Variants in ZRANB3 observed in about 807,000 individuals in gnomAD.
ZRANB3 encodes zinc finger RANBP2-type containing 3.
Under a neutral mutation model 133.8 loss-of-function variants are expected in ZRANB3, and 125 were observed. That is an observed-to-expected ratio of 0.93 (90% CI 0.81 to 1.08). ZRANB3 has a LOEUF of 1.08. Among genes scored for constraint, ZRANB3 ranks in the 50% least tolerant of loss-of-function variants. The pLI is 0.00. For synonymous variants in ZRANB3, 387 were observed against 432.7 expected, an observed-to-expected ratio of 0.89 and a Z score of 1.31; for missense variants, 1,229 against 1,275.5, an observed-to-expected ratio of 0.96 and a Z score of 0.56.
intron 8 of ZRANB3, 68 bp from the exon 9 acceptor site, chr2:135,275,823 AT>A: frequency 8.0e-7 from 1 of 1,246,622 alleles, no homozygotes; most frequent in South Asian, 2.3e-5. Flanking sequence ...GTCACTTTTA[AT>A]AAAGCAAGAA....
intron 12 of ZRANB3, among the ~76,000 whole-genome samples, chr2:135,251,022 G>A (rs972232218): frequency 7.2e-5 from 11 of 152,198 alleles, no homozygotes; most frequent in Non-Finnish European, 1.2e-4. Context: ...GAAAGCAGCC[G>A]TGAGGGAGGC....
chr2:135,413,057 G>A (rs763336630), intron 2 of ZRANB3, among the ~76,000 whole-genome samples: 5 of 152,102 alleles, frequency 3.3e-5, no homozygotes, highest in Non-Finnish European at 4.4e-5. Context: ...AACACTGAAT[G>A]TTATTTTAAC....
chr2:135,339,706 G>C (rs1295594451), intron 6 of ZRANB3, among the ~76,000 whole-genome samples: 2 of 152,114 alleles, frequency 1.3e-5, no homozygotes, highest in African/African-American at 4.8e-5. Context: ...ACTGTAATAG[G>C]TAAAACTTTG....
chr2:135,411,535 G>C (rs1688301928), intron 2 of ZRANB3, among the ~76,000 whole-genome samples: 1 of 152,078 alleles, frequency 6.6e-6, no homozygotes, highest in South Asian at 2.1e-4. Flanking sequence ...ATCAACAGTG[G>C]ACTGAATAAA....
rs974869997 is a variant in ZRANB3 at position 135,445,169 on chromosome 2, C to A, written c.162-54349G>T. On this transcript the variant is annotated intron_variant, in intron 2 of 20. Coordinates refer to ENST00000264159, the MANE Select transcript of ZRANB3 (RefSeq NM_032143.4). ...TTTTTAAAGGGAAAAATAGGCCGGG[C>A]ATGGTGGCTCATGCCTGTAATTCCA... Among the ~76,000 whole-genome samples, 6 of 152,276 alleles carry A rather than the reference C, an allele frequency of 3.9e-5. No individual in the cohort carries two copies. In the South Asian group the frequency reaches 8.3e-4, roughly 21 times the overall value.
At chr2:135,245,180 G>A (rs1287583665) in intron 12 of ZRANB3, among the ~76,000 whole-genome samples, 1 of 152,192 alleles carries the variant, frequency 6.6e-6, no homozygotes, top group Non-Finnish European at 1.5e-5. Context: ...TTACAAGTTA[G>A]GGTCCTGGCC....
At chr2:135,396,681 G>A (rs1476486536) in intron 2 of ZRANB3, among the ~76,000 whole-genome samples, 1 of 151,964 alleles carries the variant, frequency 6.6e-6, no homozygotes, top group Non-Finnish European at 1.5e-5. Context: ...GTAGTGGTGG[G>A]GTAGGGGGAA....
chr2:135,360,441 TCA>T (rs1685631879), intron 3 of ZRANB3, among the ~76,000 whole-genome samples: 1 of 151,492 alleles, frequency 6.6e-6, no homozygotes, highest in Non-Finnish European at 1.5e-5. Flanking sequence ...GCACGGTGGC[TCA>T]TGCCTGTATC....
At chr2:135,377,342 A>G (rs909270546) in intron 3 of ZRANB3, among the ~76,000 whole-genome samples, 5 of 152,326 alleles carry the variant, frequency 3.3e-5, no homozygotes, top group East Asian at 1.9e-4. Flanking sequence ...GATAGAACCT[A>G]GAAGGACACC....
intron 6 of ZRANB3, among the ~76,000 whole-genome samples, chr2:135,331,451 T>A (rs1182616112): frequency 5.3e-5 from 8 of 152,188 alleles, no homozygotes; most frequent in Non-Finnish European, 1.5e-5. Context: ...TTCTTTTACA[T>A]TTGCTGAGGA....
intron 9 of ZRANB3, among the ~76,000 whole-genome samples, chr2:135,275,075 T>TC (rs1680726788): frequency 6.6e-6 from 1 of 152,202 alleles, no homozygotes; most frequent in African/African-American, 2.4e-5. Context: ...TCCCCACATT[T>TC]CCCCCTTTTC....
intron 12 of ZRANB3, among the ~76,000 whole-genome samples, chr2:135,235,411 G>T (rs992562733): frequency 5.9e-5 from 9 of 152,176 alleles, no homozygotes; most frequent in African/African-American, 1.9e-4. Context: ...AATAGAAAAA[G>T]AGGGAATCCT....
chr2:135,326,289 T>C (rs951954728), intron 6 of ZRANB3, among the ~76,000 whole-genome samples: 1 of 152,166 alleles, frequency 6.6e-6, no homozygotes, highest in African/African-American at 2.4e-5. Context: ...GTACAGGTGG[T>C]CTCTGGTTAC....
Position 135,265,635 on chromosome 2 carries a change from C to T in ZRANB3, c.1438G>A (p.Glu480Lys), listed in dbSNP as rs1680199298. The stretch of plus-strand genomic sequence containing the variant: ...TCCCATTTTTCCTTATCACCTTCCT[C>T]AGCCTGAATTTTTTCTTTCCTACCG... The part of the protein sequence containing the change: ...LNGRKEKIQA[E>K]EGDKEKWDFL... The change falls in exon 12 of 21, where the codon GAG becomes AAG. Residue 480 changes from glutamate to lysine, a missense_variant. Transcript: ENST00000264159. The T allele has an allele frequency of 6.2e-7, 1 of 1,613,740 alleles. No homozygotes were observed. Among genetic ancestry groups the T allele is most frequent in the South Asian group, 1.1e-5 (1 of 91,000 alleles).
At chr2:135,421,090 C>A (rs1411446116) in intron 2 of ZRANB3, among the ~76,000 whole-genome samples, 1 of 152,074 alleles carries the variant, frequency 6.6e-6, no homozygotes, top group Non-Finnish European at 1.5e-5. Context: ...GTTCTGGAAA[C>A]CACTCTGAAA....
At chr2:135,343,797 T>C (rs980307444) in intron 6 of ZRANB3, among the ~76,000 whole-genome samples, 3 of 150,152 alleles carry the variant, frequency 2.0e-5, no homozygotes, top group African/African-American at 7.6e-5. Flanking sequence ...CTCAAATGCA[T>C]TTAATGACAT....
chr2:135,484,278 CAA>C (rs1691989475), intron 2 of ZRANB3, among the ~76,000 whole-genome samples: 1 of 152,060 alleles, frequency 6.6e-6, no homozygotes, highest in African/African-American at 2.4e-5. Flanking sequence ...AATAGCCATA[CAA>C]AGAGTATGAA....
intron 8 of ZRANB3, among the ~76,000 whole-genome samples, chr2:135,303,107 A>C (rs1008903338): frequency 6.6e-6 from 1 of 152,208 alleles, no homozygotes; most frequent in African/African-American, 2.4e-5. Context: ...AAGACATGGG[A>C]AAATGGAACA....
intron 6 of ZRANB3, among the ~76,000 whole-genome samples, chr2:135,329,169 C>A (rs1019657284): frequency 6.6e-6 from 1 of 152,154 alleles, no homozygotes; most frequent in Non-Finnish European, 1.5e-5. Context: ...CCTAGGTTTT[C>A]TTCTAGGGTT....
Sources: allele counts gnomAD v4.1 joint callset (sites outside exome capture counted in the v4.1 genomes callset), GRCh38; gene constraint gnomAD v4.1.1; transcripts MANE v1.5; gene names NCBI Gene and HGNC (gene_info 2026-07-23, HGNC 2026-07-21).